Variants in AKAP19 observed in about 807,000 individuals in gnomAD.
AKAP19 encodes small A-kinase anchoring protein.
At chr2:189,944,486 C>T in the AKAP19 span, among the ~76,000 whole-genome samples, 1 of 152,036 alleles carries the variant, frequency 6.6e-6, no homozygotes, top group African/African-American at 2.4e-5. Flanking sequence ...GTAAATTATC[C>T]CACCTCGGGT....
the AKAP19 span, among the ~76,000 whole-genome samples, chr2:189,891,464 C>G: frequency 6.6e-6 from 1 of 151,996 alleles, no homozygotes; most frequent in Non-Finnish European, 1.5e-5. Context: ...ACCTCATGAT[C>G]TGCCCACCTC....
chr2:189,963,579 A>T, the AKAP19 span, among the ~76,000 whole-genome samples: 16 of 152,110 alleles, frequency 1.1e-4, no homozygotes, highest in Admixed American at 6.5e-5. Flanking sequence ...CATCTTGAAC[A>T]TCTCAAAGTC....
the AKAP19 span, among the ~76,000 whole-genome samples, chr2:190,082,321 C>T: frequency 1.3e-5 from 2 of 152,130 alleles, no homozygotes; most frequent in African/African-American, 4.8e-5. Context: ...CTCTTCTGAC[C>T]CTTGAAGTAT....
the AKAP19 span, among the ~76,000 whole-genome samples, chr2:190,027,590 T>C: frequency 1.3e-5 from 2 of 152,202 alleles, no homozygotes; most frequent in Admixed American, 1.3e-4. Flanking sequence ...GAGTAGTACA[T>C]AAAAGGTGAA....
At chr2:189,923,385 G>T in the AKAP19 span, 17 of 1,612,564 alleles carry the variant, frequency 1.1e-5, no homozygotes, top group African/African-American at 1.9e-4. Flanking sequence ...ATGAACTCCC[G>T]TGTATTCATT....
At chr2:190,090,994 A>G in the AKAP19 span, 1 of 152,226 alleles carries the variant, frequency 6.6e-6, no homozygotes, top group East Asian at 1.9e-4. Context: ...TTTTGTTGTA[A>G]TAAATGAATA....
At chr2:190,039,345 C>G in the AKAP19 span, among the ~76,000 whole-genome samples, 2 of 152,152 alleles carry the variant, frequency 1.3e-5, no homozygotes, top group Non-Finnish European at 2.9e-5. Flanking sequence ...TCCCAAAATG[C>G]TGGGATTACA....
At chr2:189,962,032 G>A in the AKAP19 span, among the ~76,000 whole-genome samples, 1 of 151,934 alleles carries the variant, frequency 6.6e-6, no homozygotes, top group East Asian at 1.9e-4. Context: ...TCAATCTAAT[G>A]GAAACTGTGA....
chr2:190,064,823 T>G, the AKAP19 span, among the ~76,000 whole-genome samples: 1 of 152,178 alleles, frequency 6.6e-6, no homozygotes, highest in Non-Finnish European at 1.5e-5. Flanking sequence ...ACAAGACATG[T>G]TCCAGCTCTT....
chr2:190,075,866 A>C, the AKAP19 span, among the ~76,000 whole-genome samples: 1 of 152,008 alleles, frequency 6.6e-6, no homozygotes, highest in Admixed American at 6.5e-5. Context: ...GTTTAAGTTT[A>C]GTGTTCCATC....
chr2:189,976,086 G>GA, the AKAP19 span, among the ~76,000 whole-genome samples: 1 of 152,156 alleles, frequency 6.6e-6, no homozygotes, highest in African/African-American at 2.4e-5. Context: ...TTCCTGCTCT[G>GA]TTTTTTCCCC....
At chr2:190,066,788 T>C in the AKAP19 span, among the ~76,000 whole-genome samples, 10 of 152,330 alleles carry the variant, frequency 6.6e-5, no homozygotes, top group African/African-American at 2.4e-4. Context: ...ATAAGTCAGT[T>C]AGCAAACCCT....
the AKAP19 span, chr2:190,137,813 T>C: frequency 1.3e-5 from 2 of 152,462 alleles, no homozygotes; most frequent in African/African-American, 2.4e-5. Flanking sequence ...CTACATACTT[T>C]ATATCTGTTT....
chr2:190,193,937 C>T, the AKAP19 span, among the ~76,000 whole-genome samples: 2,664 of 152,072 alleles, frequency 0.018, 67 homozygotes, highest in African/African-American at 0.059. Context: ...TATAAATTTC[C>T]TTCTAAGCTC....
the AKAP19 span, among the ~76,000 whole-genome samples, chr2:190,169,685 A>C: frequency 6.6e-6 from 1 of 152,210 alleles, no homozygotes; most frequent in African/African-American, 2.4e-5. Flanking sequence ...CTACTCCCTC[A>C]GTGAGGTAAT....
At chr2:190,116,367 A>T in the AKAP19 span, among the ~76,000 whole-genome samples, 1 of 152,126 alleles carries the variant, frequency 6.6e-6, no homozygotes, top group African/African-American at 2.4e-5. Flanking sequence ...AGAGTAAGAG[A>T]TTGAACTCAC....
chr2:189,930,389 G>T, the AKAP19 span: 1 of 360,566 alleles, frequency 2.8e-6, no homozygotes, highest in Non-Finnish European at 5.1e-6. Context: ...GGTAGAAATT[G>T]AATTGGGGCT....
chr2:190,183,501 C>T, the AKAP19 span, among the ~76,000 whole-genome samples: 3,460 of 152,092 alleles, frequency 0.023, 135 homozygotes, highest in African/African-American at 0.078. Context: ...CCTAGAAATC[C>T]GCAGTCTTTT....
At chr2:190,200,779 T>A in the AKAP19 span, 1 of 167,660 alleles carries the variant, frequency 6.0e-6, no homozygotes, top group African/African-American at 2.4e-5. Context: ...CCTAAAGCCA[T>A]CTTAGAGATA....
Sources: gnomAD v4.1 joint callset for allele counts (sites outside exome capture counted in the v4.1 genomes callset) on GRCh38, gnomAD v4.1.1 for gene constraint, MANE v1.5 for transcripts, NCBI Gene and HGNC (gene_info 2026-07-23, HGNC 2026-07-21) for gene names.